SDK2: variants seen among roughly 807,000 people sequenced by gnomAD.
SDK2 encodes the protein protein sidekick-2.
In SDK2, 105 loss-of-function variants were observed where a neutral mutation model predicts 253.9. That is an observed-to-expected ratio of 0.41 (90% CI 0.35 to 0.49). The LOEUF is 0.49. Ranked by LOEUF, SDK2 falls within the 20% of genes least tolerant of loss-of-function variation. The pLI, the probability that SDK2 is intolerant of heterozygous loss-of-function variation, is 0.06. For missense variants in SDK2, 2,608 were observed against 3,003.0 expected (o/e 0.87, Z 3.07); for synonymous variants, 1,249 against 1,234.9 (o/e 1.01, Z -0.24).
Position 73,379,268 on chromosome 17 carries a change from A to G in SDK2, c.4889T>C (p.Val1630Ala), listed in dbSNP as rs772697329. 5.1e-6 allele frequency: 8 copies of G among 1,554,918 alleles called. No homozygotes were observed. Among genetic ancestry groups the G allele is most frequent in the Non-Finnish European group, 7.0e-6 (8 of 1,148,862 alleles). ...EAVPTAAPRNVVVHGATATQL... is the reference protein window; with the variant it reads ...EAVPTAAPRNAVVHGATATQL... ...TGTGGCCGTGGCGCCGTGGACGACC[A>G]CGTTACGAGGTGCTGCTGTGGGCAC... Residue 1630 changes from valine to alanine, a missense_variant, in exon 36 of 45, where the codon GTG (valine) becomes GCG (alanine). This residue lies in a region of SDK2 where 1,103 missense variants were observed against 1,143.9 expected (regional missense o/e 0.96). Transcript: ENST00000392650. This position sits in a 1 kb window ranked among gnomAD's most constrained non-coding sequence, Gnocchi z 4.5.
chr17:73,463,536 C>A (rs2063578092), intron 3 of SDK2, among the ~76,000 whole-genome samples: 1 of 152,176 alleles, frequency 6.6e-6, no homozygotes, highest in Non-Finnish European at 1.5e-5. Context: ...CTCCCCCCTT[C>A]CCCGGCACCA....
chr17:73,597,807 G>A (rs571857903), intron 1 of SDK2, among the ~76,000 whole-genome samples: 13 of 152,006 alleles, frequency 8.6e-5, no homozygotes, highest in East Asian at 3.9e-4. Flanking sequence ...CACCACGCCC[G>A]GGTAATTTTT....
chr17:73,369,613 A>G (rs915185382), intron 36 of SDK2, among the ~76,000 whole-genome samples: 3 of 152,250 alleles, frequency 2.0e-5, no homozygotes, highest in African/African-American at 7.2e-5. Flanking sequence ...CCGTGGCTGC[A>G]GAAGGCTTTA....
Position 73,629,773 on chromosome 17 carries a change from G to T in SDK2, c.64+14252C>A, listed in dbSNP as rs183188941. Among the ~76,000 whole-genome samples the T allele has an allele frequency of 7.1e-4, 108 of 152,276 alleles. 1 individual carries two copies. The highest frequency in any genetic ancestry group is 7.1e-3 in the Admixed American group (108 of 15,298). ...GGCTGGATCCTGGGCACCTCACTTA[G>T]TATACAGATGGTGCTTAGTAAGTGC... is the stretch of plus-strand genomic sequence containing the variant. On this transcript the variant is annotated intron_variant, in intron 1 of 44. Coordinates refer to ENST00000392650, the MANE Select transcript of SDK2 (RefSeq NM_001144952.2). The surrounding 1 kb of genome is among the most constrained non-coding windows in gnomAD (Gnocchi z 5.0).
rs1392657701 is a variant in SDK2, at chr17:73,481,852, C to T, written c.225-9634G>A. ...ATTTCTTGGGTTTCCAGCTTGCAGG[C>T]GGCAGTTGGTGTTCTTGGCTGGCCT... On this transcript the variant is annotated intron_variant, in intron 2 of 44. Coordinates refer to ENST00000392650, the MANE Select transcript of SDK2 (RefSeq NM_001144952.2). This position sits in a 1 kb window ranked among gnomAD's most constrained non-coding sequence, Gnocchi z 4.5. 2.6e-5 allele frequency among the ~76,000 whole-genome samples: 4 copies of T among 152,274 alleles called. No individual in the cohort carries two copies. The highest frequency in any genetic ancestry group is 5.9e-5 in the Non-Finnish European group (4 of 68,010).
chr17:73,585,062 G>A (rs1396518032), intron 1 of SDK2, among the ~76,000 whole-genome samples: 3 of 152,184 alleles, frequency 2.0e-5, no homozygotes, highest in Non-Finnish European at 4.4e-5. Flanking sequence ...GAAGTCAGGG[G>A]GCAGTGCCCA....
At chr17:73,598,237 C>T (rs1180773094) in intron 1 of SDK2, among the ~76,000 whole-genome samples, 1 of 152,184 alleles carries the variant, frequency 6.6e-6, no homozygotes, top group Non-Finnish European at 1.5e-5. Context: ...AGGCCGGACC[C>T]ACAGGCAGTT....
chr17:73,393,578 C>A lies in SDK2; in HGVS notation c.3880G>T (p.Glu1294Ter). 1 of 1,569,478 alleles carries A rather than the reference C, an allele frequency of 6.4e-7. No individual in the cohort carries two copies. The highest frequency in any genetic ancestry group is 8.7e-7 in the Non-Finnish European group (1 of 1,149,964). ...GACTCACCATCATCCAGCGTCCGCT[C>A]CAGGATGGGAGGGTGGCTGGGGCTG... The part of the protein sequence containing the change: ...DGSPSHPPIL[E>*]RTLDDVPGPP... Residue 1294 changes from glutamate to a stop codon, truncating the protein, a stop_gained, in exon 27 of 45, where the codon GAG becomes TAG. Transcript: ENST00000392650. LOFTEE classifies it high-confidence loss of function.
rs1484843807 is a variant in SDK2 at position 73,437,996 on chromosome 17, G to A, written c.884C>T (p.Ser295Phe). The stretch of plus-strand genomic sequence containing the variant: ...TGAGAGGTAGGCGCCCCGGACAACA[G>A]AGGGGACGCTGCTGCTGCGCAGGAC... ...EAVLRSSSVP[S>F]VVRGAYLSVL... The change falls in exon 7 of 45, where the codon TCT becomes TTT. Residue 295 changes from serine to phenylalanine, a missense_variant. Ser to Phe is a radical substitution (Grantham distance 155, BLOSUM62 -2). Transcript: ENST00000392650. 1 of 1,551,228 alleles carries A rather than the reference G, an allele frequency of 6.4e-7. No individual in the cohort carries two copies. Among genetic ancestry groups the A allele is most frequent in the Non-Finnish European group, 8.7e-7 (1 of 1,146,848 alleles).
chr17:73,541,169 C>T lies in SDK2; in HGVS notation c.65-33572G>A, dbSNP rs963328481. Among the ~76,000 whole-genome samples the T allele has an allele frequency of 2.6e-5, 4 of 152,222 alleles. No homozygotes were observed. The highest frequency in any genetic ancestry group is 4.4e-5 in the Non-Finnish European group (3 of 68,040). On this transcript the variant is annotated intron_variant, in intron 1 of 44. Coordinates refer to ENST00000392650, the MANE Select transcript of SDK2 (RefSeq NM_001144952.2). This position sits in a 1 kb window ranked among gnomAD's most constrained non-coding sequence, Gnocchi z 4.3. ...CCTCAGAGCAGCTGTGAGGACAGCT[C>T]TGGCTGGGGAGAGGCAGCTGGGCCC...
At chr17:73,626,635 A>G (rs138014736) in intron 1 of SDK2, among the ~76,000 whole-genome samples, 9 of 152,334 alleles carry the variant, frequency 5.9e-5, no homozygotes, top group African/African-American at 2.2e-4. Flanking sequence ...CCTCTGGGCC[A>G]CTGTCCTGTG....
chr17:73,449,602 CTTTTTT>C lies in SDK2; in HGVS notation c.480-1860_480-1855del, dbSNP rs33923010. Reference sequence around the variant, plus strand: ...GTACCCTAATGATGCCCCCCCACCTCTTTTTTTTTTTTTTTTTTTTTTTCTGGAGAG... The same window carrying C: ...GTACCCTAATGATGCCCCCCCACCTCTTTTTTTTTTTTTTTTTCTGGAGAG... On this transcript the variant is annotated intron_variant, in intron 4 of 44. Coordinates refer to ENST00000392650, the MANE Select transcript of SDK2 (RefSeq NM_001144952.2). Among the ~76,000 whole-genome samples the C allele has an allele frequency of 7.0e-3, 656 of 94,334 alleles. 7 individuals carry two copies. Among genetic ancestry groups the C allele is most frequent in the African/African-American group, 0.025 (622 of 25,172 alleles). 61.9% of individuals were successfully genotyped at this position (94,334 alleles called of 152,430 possible).
At chr17:73,533,432 C>T (rs2064186557) in intron 1 of SDK2, among the ~76,000 whole-genome samples, 1 of 152,224 alleles carries the variant, frequency 6.6e-6, no homozygotes, top group African/African-American at 2.4e-5. Flanking sequence ...GCCAGCCACA[C>T]AGGTTTGTGT....
In SDK2 at chr17:73,435,385, C is replaced by T. The variant is rs2145618624; in HGVS notation, c.1195+65G>A. The stretch of plus-strand genomic sequence containing the variant: ...ATGCACAAGAGGCCCCTCGGAAGAC[C>T]TTGGAAGAAAGCTGCGTCCTGGGAA... On this transcript the variant is annotated intron_variant, in intron 9 of 44. Coordinates refer to ENST00000392650, the MANE Select transcript of SDK2 (RefSeq NM_001144952.2). This position sits in a 1 kb window ranked among gnomAD's most constrained non-coding sequence, Gnocchi z 5.7. The T allele has an allele frequency of 8.2e-6, 12 of 1,469,820 alleles. No individual in the cohort carries two copies. Among genetic ancestry groups the T allele is most frequent in the Admixed American group, 2.1e-5 (1 of 46,614 alleles). The allele number at this position is 1,469,820 out of a possible 1,614,324, so 91.0% of individuals were successfully genotyped here.
At chr17:73,423,850 G>T (rs1599552981) in intron 13 of SDK2, 66 bp downstream of exon 13, 3 of 1,352,714 alleles carry the variant, frequency 2.2e-6, no homozygotes, top group Middle Eastern at 2.3e-4. Context: ...GACTCGGCTG[G>T]CTCTGAGCAT....
At chr17:73,599,382 A>G (rs1159489933) in intron 1 of SDK2, among the ~76,000 whole-genome samples, 1 of 152,116 alleles carries the variant, frequency 6.6e-6, no homozygotes, top group Admixed American at 6.6e-5. Flanking sequence ...AAATACAAAA[A>G]TTAGCCTGGC....
At chr17:73,406,620 G>A (rs1424357312) in intron 18 of SDK2, among the ~76,000 whole-genome samples, 2 of 152,152 alleles carry the variant, frequency 1.3e-5, no homozygotes, top group African/African-American at 2.4e-5. Context: ...CAGACCTATA[G>A]GGGAGTGAGA....
At position 73,470,027 on chromosome 17, in the gene SDK2, C is replaced by CAT. The variant is rs1555585186; in HGVS notation, c.331+2084_331+2085insAT. Among the ~76,000 whole-genome samples, 7 of 151,530 alleles carry CAT rather than the reference C, an allele frequency of 4.6e-5. No individual in the cohort carries two copies. In the East Asian group the frequency reaches 1.4e-3, roughly 30 times the overall value. On this transcript the variant is annotated intron_variant, in intron 3 of 44. Transcript: ENST00000392650. The stretch of plus-strand genomic sequence containing the variant: ...ACACACACACACACACACACACACA[C>CAT]ACACACAGAGGTTCTGGCCCACACA...
At chr17:73,579,334 C>T (rs1472590480) in intron 1 of SDK2, among the ~76,000 whole-genome samples, 1 of 152,198 alleles carries the variant, frequency 6.6e-6, no homozygotes, top group Non-Finnish European at 1.5e-5. Flanking sequence ...CAGGCCTCTG[C>T]TGCCCTCTGC....
Sources: allele counts gnomAD v4.1 joint callset (sites outside exome capture counted in the v4.1 genomes callset), GRCh38; gene constraint gnomAD v4.1.1; regional missense constraint gnomAD v4.1.1; non-coding constraint Gnocchi (gnomAD v3.1); transcripts MANE v1.5; gene names NCBI Gene and HGNC (gene_info 2026-07-23, HGNC 2026-07-21).